The following NCKAP5L variants were observed in gnomAD, a reference collection of about 807,000 sequenced individuals.
The protein encoded by NCKAP5L is NCK associated protein 5 like, also known as nck-associated protein 5-like.
In NCKAP5L, 54 loss-of-function variants were observed where a neutral mutation model predicts 103.2. The observed-to-expected ratio is 0.52, with a 90% CI of 0.42 to 0.66. The LOEUF (loss-of-function observed/expected upper bound fraction) is 0.66, where lower values mean the gene tolerates loss of function less well. NCKAP5L is among the 30% of genes least tolerant of loss of function. NCKAP5L has a pLI of 0.00. For synonymous variants in NCKAP5L, 762 were observed against 748.6 expected, an observed-to-expected ratio of 1.02 and a Z score of -0.29; for missense variants, 1,733 against 1,750.6, an observed-to-expected ratio of 0.99 and a Z score of 0.18.
At position 49,796,313 on chromosome 12, in the gene NCKAP5L, G is replaced by C. The variant is rs1345977680; in HGVS notation, c.1547C>G (p.Ala516Gly). ...LGGGELSPEG[A>G]QGLPTSPSPC... ...TGAAGGGCTGGTGGGCAGGCCTTGC[G>C]CCCCCTCTGGGGACAGCTCTCCTCC... Residue 516 changes from alanine (A) to glycine (G), a missense_variant, in exon 8 of 13, where the codon GCG becomes GGG. By Grantham distance (60) the Ala-to-Gly change is moderately conservative. Transcript: ENST00000335999. The C allele has an allele frequency of 9.7e-6, 15 of 1,543,332 alleles. No individual in the cohort carries two copies. Among genetic ancestry groups the C allele is most frequent in the Non-Finnish European group, 1.3e-5 (15 of 1,144,664 alleles).
chr12:49,794,605 A>ACCGC (rs1197202590), intron 8 of NCKAP5L, among the ~76,000 whole-genome samples, 160 bp downstream of exon 8: 3 of 116,094 alleles, frequency 2.6e-5, no homozygotes, highest in African/African-American at 1.2e-4. Flanking sequence ...CAAGTCACTG[A>ACCGC]CCCCCCCACC....
At chr12:49,813,089 T>C (rs1946258859) in intron 1 of NCKAP5L, among the ~76,000 whole-genome samples, 2 of 152,222 alleles carry the variant, frequency 1.3e-5, no homozygotes, top group Admixed American at 6.5e-5. Context: ...CCACAGTTGG[T>C]TGGACCCTGC....
chr12:49,795,137 T>G lies in NCKAP5L; in HGVS notation c.2723A>C (p.Glu908Ala), dbSNP rs1240256321. The G allele has an allele frequency of 6.2e-7, 1 of 1,611,636 alleles. No individual in the cohort carries two copies. The highest frequency in any genetic ancestry group is 2.2e-5 in the East Asian group (1 of 44,834). Reference sequence around the variant, plus strand: ...GCTGCTGGTGTTGCGGTGCTTGACCTCGGCGCCAGGGGCTCGCTCCTGGCC... The same window carrying G: ...GCTGCTGGTGTTGCGGTGCTTGACCGCGGCGCCAGGGGCTCGCTCCTGGCC... The part of the protein sequence containing the change: ...LQGQERAPGA[E>A]VKHRNTSSIA... The change falls in exon 8 of 13, where the codon GAG becomes GCG. Residue 908 changes from glutamate to alanine, a missense_variant. Physicochemically the swap from Glu to Ala is moderately radical, Grantham distance 107 (BLOSUM62 -1). Coordinates refer to ENST00000335999, the MANE Select transcript of NCKAP5L (RefSeq NM_001037806.4).
chr12:49,793,493 G>T, intron 9 of NCKAP5L, 60 bp from the exon 10 acceptor site: 1 of 1,530,024 alleles, frequency 6.5e-7, no homozygotes, highest in Non-Finnish European at 9.0e-7. Context: ...CCCTCCCCAT[G>T]CCTCTAGAGG....
Position 49,792,713 on chromosome 12 carries a change from G to A in NCKAP5L, c.3614C>T (p.Ala1205Val), listed in dbSNP as rs750521700. 19 of 1,611,032 alleles carry A rather than the reference G, an allele frequency of 1.2e-5. No individual in the cohort carries two copies. The highest frequency in any genetic ancestry group is 6.6e-5 in the South Asian group (6 of 90,728). Reference protein sequence around the residue: ...MPAFPALLPAAPGHRGHETCP... With the variant: ...MPAFPALLPAVPGHRGHETCP... ...GGTCTCATGGCCCCGGTGGCCCGGA[G>A]CAGCGGGTAGCAGTGCAGGGAAGGC... The change falls in exon 11 of 13, where the codon GCT (alanine) becomes GTT (valine). Residue 1205 changes from alanine to valine, a missense_variant. Coordinates refer to ENST00000335999, the MANE Select transcript of NCKAP5L (RefSeq NM_001037806.4). This position sits in a 1 kb window ranked among gnomAD's most constrained non-coding sequence, Gnocchi z 4.5.
At position 49,795,965 on chromosome 12, in the gene NCKAP5L, T is replaced by TG; in HGVS notation, c.1894dup (p.His632ProfsTer178). On this transcript the variant is annotated frameshift_variant, in exon 8 of 13. Transcript: ENST00000335999. LOFTEE classifies it high-confidence loss of function. ...GTTGCCTGGGGTCCTGCGGCCGGGATGGGGAGACTCCGAGCCTGCCTTGTC... is the reference window on the plus strand; with the variant it reads ...GTTGCCTGGGGTCCTGCGGCCGGGATGGGGGAGACTCCGAGCCTGCCTTGTC... 6.5e-7 allele frequency: 1 copy of TG among 1,535,100 alleles called. No homozygotes were observed. Among genetic ancestry groups the TG allele is most frequent in the Non-Finnish European group, 8.7e-7 (1 of 1,147,740 alleles).
chr12:49,815,202 G>A (rs138791829), intron 1 of NCKAP5L, among the ~76,000 whole-genome samples: 102 of 152,262 alleles, frequency 6.7e-4, no homozygotes, highest in African/African-American at 2.4e-3. Flanking sequence ...TAAATATCCT[G>A]TTTCTCCTTA....
At position 49,796,663 on chromosome 12, in the gene NCKAP5L, G is replaced by C; in HGVS notation, c.1197C>G (p.Gly399=). 1 of 1,581,656 alleles carries C rather than the reference G, an allele frequency of 6.3e-7. No individual in the cohort carries two copies. The highest frequency in any genetic ancestry group is 1.2e-5 in the South Asian group (1 of 86,886). The change falls in exon 8 of 13, where the codon GGC becomes GGG. Residue 399 remains glycine, a synonymous_variant. Coordinates refer to ENST00000335999, the MANE Select transcript of NCKAP5L (RefSeq NM_001037806.4). ...TGCTAAGGAAGGGGAGGGGCCCCTG[G>C]CCCTCTGAGGTAGCACCGAAGCCTG... The part of the protein sequence containing the change: ...HRPGFGATSE[G]QGPLPFLSMF...
chr12:49,801,104 G>A (rs1946113163), intron 6 of NCKAP5L, among the ~76,000 whole-genome samples: 2 of 152,210 alleles, frequency 1.3e-5, no homozygotes, highest in Non-Finnish European at 2.9e-5. Context: ...GCCTGCTCAG[G>A]GGCTGGGGGC....
Position 49,797,454 on chromosome 12 carries a change from G to A in NCKAP5L, c.466-60C>T, listed in dbSNP as rs1946071214. ...ACACACAGCTGGGATCCAGTTCCAG[G>A]CCCAGGCCCTGGGCTGGCTTAACAG... On this transcript the variant is annotated intron_variant, in intron 7 of 12. Transcript: ENST00000335999. This position sits in a 1 kb window ranked among gnomAD's most constrained non-coding sequence, Gnocchi z 4.5. 4 of 1,328,484 alleles carry A rather than the reference G, an allele frequency of 3.0e-6. No individual in the cohort carries two copies. The highest frequency in any genetic ancestry group is 1.4e-5 in the South Asian group (1 of 71,592). The allele number at this position is 1,328,484 out of a possible 1,614,324, so 82.3% of individuals were successfully genotyped here. A position where few individuals can be genotyped will look rare whatever the true frequency, so the allele number is the denominator to read the frequency against.
intron 2 of NCKAP5L, 44 bp from the exon 3 acceptor site, chr12:49,804,124 G>T: frequency 1.9e-6 from 3 of 1,571,780 alleles, no homozygotes; most frequent in Non-Finnish European, 2.6e-6. Context: ...GGAGGACAAA[G>T]ATGAAACCCT....
At position 49,795,613 on chromosome 12, in the gene NCKAP5L, GGC is replaced by G; in HGVS notation, c.2245_2246del (p.Ala749ProfsTer60). On this transcript the variant is annotated frameshift_variant, in exon 8 of 13. Coordinates refer to ENST00000335999, the MANE Select transcript of NCKAP5L (RefSeq NM_001037806.4). LOFTEE classifies it high-confidence loss of function. The part of the protein sequence containing the change: ...QEPGLMGDPG[A>X]RVYSSHSMGA... The stretch of plus-strand genomic sequence containing the variant: ...CCATGGAGTGAGAGGAGTAGACTCG[GGC>G]CCCGGGATCCCCCATAAGTCCAGGT... 6.3e-7 allele frequency: 1 copy of G among 1,598,842 alleles called. No individual in the cohort carries two copies. The highest frequency in any genetic ancestry group is 8.5e-7 in the Non-Finnish European group (1 of 1,172,710).
intron 9 of NCKAP5L, 93 bp downstream of exon 9, chr12:49,793,641 T>A (rs531106641): frequency 7.0e-7 from 1 of 1,426,098 alleles, no homozygotes; most frequent in Admixed American, 2.8e-5. Context: ...CCGGCACTCA[T>A]GGTCTTGGGG....
At chr12:49,826,849 C>T (rs886955246) in intron 1 of NCKAP5L, among the ~76,000 whole-genome samples, 4 of 152,170 alleles carry the variant, frequency 2.6e-5, no homozygotes, top group African/African-American at 9.7e-5. Context: ...AGCACCTGCC[C>T]CTCCAGGTCC....
Position 49,795,787 on chromosome 12 carries a change from G to A in NCKAP5L, c.2073C>T (p.Gly691=). The part of the protein sequence containing the change: ...SEKNGVPARP[G]TEKTRGPGKS... ...TCCCAGGTCCCCGGGTCTTTTCGGT[G>A]CCAGGCCTGGCTGGCACCCCATTCT... Residue 691 remains glycine (G), a synonymous_variant, in exon 8 of 13, where the codon GGC becomes GGT. Coordinates refer to ENST00000335999, the MANE Select transcript of NCKAP5L (RefSeq NM_001037806.4). 6.3e-7 allele frequency: 1 copy of A among 1,580,144 alleles called. No homozygotes were observed. The highest frequency in any genetic ancestry group is 8.6e-7 in the Non-Finnish European group (1 of 1,163,440).
chr12:49,793,558 G>T, intron 9 of NCKAP5L, 125 bp from the exon 10 acceptor site: 1 of 1,231,278 alleles, frequency 8.1e-7, no homozygotes, highest in Non-Finnish European at 1.1e-6. Context: ...CCAGGAGTAT[G>T]GATCTGAGAG....
Position 49,795,813 on chromosome 12 carries a change from T to C in NCKAP5L, c.2047A>G (p.Lys683Glu), listed in dbSNP as rs1392170836. 1.3e-6 allele frequency: 2 copies of C among 1,570,824 alleles called. No homozygotes were observed. The highest frequency in any genetic ancestry group is 1.4e-5 in the African/African-American group (1 of 73,586). ...TGPEGALGSE[K>E]NGVPARPGTE... ...CCAGGCCTGGCTGGCACCCCATTCTTCTCTGAGCCCAGGGCCCCCTCGGGG... is the reference window on the plus strand; with the variant it reads ...CCAGGCCTGGCTGGCACCCCATTCTCCTCTGAGCCCAGGGCCCCCTCGGGG... Residue 683 changes from lysine (K) to glutamate (E), a missense_variant, in exon 8 of 13, where the codon AAG becomes GAG. Physicochemically the swap from Lys to Glu is moderately conservative, Grantham distance 56. Coordinates refer to ENST00000335999, the MANE Select transcript of NCKAP5L (RefSeq NM_001037806.4).
chr12:49,795,172 C>T lies in NCKAP5L; in HGVS notation c.2688G>A (p.Leu896=). ...GGGCTCGCTCCTGGCCCTGGAGCCG[C>T]AGCACGTTCTCCTCAATGCCCTTCA... ...KVMKGIEENV[L]RLQGQERAPG... Residue 896 remains leucine (L), a synonymous_variant, in exon 8 of 13, where the codon CTG becomes CTA. Coordinates refer to ENST00000335999, the MANE Select transcript of NCKAP5L (RefSeq NM_001037806.4). 1 of 1,604,484 alleles carries T rather than the reference C, an allele frequency of 6.2e-7. No individual in the cohort carries two copies. The highest frequency in any genetic ancestry group is 8.5e-7 in the Non-Finnish European group (1 of 1,176,314).
chr12:49,804,954 T>A (rs1592753993), intron 2 of NCKAP5L: 1 of 152,288 alleles, frequency 6.6e-6, no homozygotes, highest in East Asian at 1.9e-4. Flanking sequence ...AGGCTCCTCC[T>A]GGACAAAGTG....
Sources: gnomAD v4.1 joint callset for allele counts (sites outside exome capture counted in the v4.1 genomes callset) on GRCh38, gnomAD v4.1.1 for gene constraint, Gnocchi (gnomAD v3.1) non-coding constraint, MANE v1.5 for transcripts, NCBI Gene and HGNC (gene_info 2026-07-23, HGNC 2026-07-21) for gene names.